ARMC2: variants seen among roughly 807,000 people sequenced by gnomAD.
ARMC2 encodes the protein armadillo repeat-containing protein 2.
A neutral mutation model predicts 90.3 loss-of-function variants in ARMC2; 67 were observed. The ratio of observed to expected loss-of-function variants is 0.74; its 90% CI spans 0.61 to 0.91. The LOEUF is 0.91. Among genes scored for constraint, ARMC2 ranks in the 40% least tolerant of loss-of-function variants. The pLI, the probability that ARMC2 is intolerant of heterozygous loss-of-function variation, is 0.00. For synonymous variants in ARMC2, 393 were observed against 393.0 expected (o/e 1.00, Z 0.00); for missense variants, 920 against 1,030.9 (o/e 0.89, Z 1.47).
chr6:108,901,924 A>C (rs549548956), intron 7 of ARMC2, among the ~76,000 whole-genome samples: 1 of 152,304 alleles, frequency 6.6e-6, no homozygotes, highest in East Asian at 1.9e-4. Flanking sequence ...ACTGTCCCGC[A>C]AATTGGGTTT....
At chr6:108,894,396 C>T (rs929542745) in intron 5 of ARMC2, 71 bp from the exon 6 acceptor site, 12 of 1,307,828 alleles carry the variant, frequency 9.2e-6, no homozygotes, top group Non-Finnish European at 1.3e-5. Context: ...CTGTATATAG[C>T]AGACTCTTGT....
At chr6:108,974,773 G>C (rs1259508904), downstream of ARMC2, among the ~76,000 whole-genome samples, 2 of 151,996 alleles carry the variant, frequency 1.3e-5, no homozygotes, top group African/African-American at 4.8e-5. Context: ...TGGGGTTCTT[G>C]AAGCCTATTA....
chr6:109,008,828 C>G, the ARMC2 span: 1 of 985,534 alleles, frequency 1.0e-6, no homozygotes, highest in Non-Finnish European at 1.2e-6. Context: ...ATAGAGCTTG[C>G]AGGACACACT....
chr6:108,943,806 C>T (rs1355100823), intron 12 of ARMC2, among the ~76,000 whole-genome samples: 1 of 152,134 alleles, frequency 6.6e-6, no homozygotes, highest in Non-Finnish European at 1.5e-5. Flanking sequence ...TGCACTCCAG[C>T]CTGGTTACAC....
the ARMC2 span, among the ~76,000 whole-genome samples, chr6:108,980,607 C>A: frequency 6.6e-6 from 1 of 151,656 alleles, no homozygotes; most frequent in Non-Finnish European, 1.5e-5. Context: ...CCACAGCCGC[C>A]CCTTCCCCCA....
At chr6:109,050,438 C>G in the ARMC2 span, among the ~76,000 whole-genome samples, 1 of 150,732 alleles carries the variant, frequency 6.6e-6, no homozygotes, top group African/African-American at 2.4e-5. Context: ...CATAGACTTT[C>G]CATCTTGCAA....
chr6:109,006,104 C>T, the ARMC2 span, among the ~76,000 whole-genome samples: 1 of 152,126 alleles, frequency 6.6e-6, no homozygotes, highest in Admixed American at 6.5e-5. Context: ...AAAGTATGAG[C>T]TGAGCACTGT....
downstream of ARMC2, among the ~76,000 whole-genome samples, chr6:108,975,938 G>C (rs1219783219): frequency 6.6e-6 from 1 of 151,894 alleles, no homozygotes; most frequent in Non-Finnish European, 1.5e-5. Flanking sequence ...AAATTTTCTC[G>C]TATTCTGTAG....
At chr6:108,966,303 T>TA (rs1022748991) in intron 17 of ARMC2, among the ~76,000 whole-genome samples, 8 of 151,946 alleles carry the variant, frequency 5.3e-5, no homozygotes, top group Admixed American at 3.9e-4. Context: ...GTGGAACTTT[T>TA]AAAAACACAG....
At chr6:109,007,207 A>G in the ARMC2 span, among the ~76,000 whole-genome samples, 1 of 152,214 alleles carries the variant, frequency 6.6e-6, no homozygotes, top group African/African-American at 2.4e-5. Flanking sequence ...GAATGTTGAC[A>G]GTAGTACCAC....
the ARMC2 span, among the ~76,000 whole-genome samples, chr6:109,047,330 T>C: frequency 8.0e-6 from 1 of 125,142 alleles, no homozygotes; most frequent in African/African-American, 2.9e-5. Flanking sequence ...AGCCGCCCCG[T>C]CCGGGAGGGA....
intron 11 of ARMC2, among the ~76,000 whole-genome samples, chr6:108,932,275 C>A (rs1775618565): frequency 6.6e-6 from 1 of 151,750 alleles, no homozygotes; most frequent in African/African-American, 2.4e-5. Context: ...GCTTTTGTTG[C>A]ATTTGCTTTT....
At chr6:108,990,141 A>G in the ARMC2 span, among the ~76,000 whole-genome samples, 1 of 152,334 alleles carries the variant, frequency 6.6e-6, no homozygotes, top group East Asian at 1.9e-4. Flanking sequence ...CAATGACTGC[A>G]TTTTCAATGT....
At chr6:108,860,393 T>C (rs13211674) in intron 3 of ARMC2, among the ~76,000 whole-genome samples, 2 of 152,050 alleles carry the variant, frequency 1.3e-5, no homozygotes, top group Non-Finnish European at 2.9e-5. Context: ...CCAGGCGCGG[T>C]GGCTCATGCC....
intron 3 of ARMC2, among the ~76,000 whole-genome samples, chr6:108,860,091 G>A (rs901822921): frequency 4.7e-5 from 7 of 148,004 alleles, no homozygotes; most frequent in African/African-American, 1.7e-4. Context: ...ACATCTTTTT[G>A]TGGAAGAGAC....
intron 4 of ARMC2, among the ~76,000 whole-genome samples, chr6:108,869,923 A>T (rs959298963): frequency 6.6e-6 from 1 of 152,214 alleles, no homozygotes; most frequent in Non-Finnish European, 1.5e-5. Flanking sequence ...AAAATGAAGT[A>T]GAATAGAATA....
the ARMC2 span, among the ~76,000 whole-genome samples, chr6:109,012,989 G>A: frequency 2.6e-5 from 4 of 151,872 alleles, no homozygotes; most frequent in Non-Finnish European, 5.9e-5. Context: ...GGTGGTGTGC[G>A]CCTGTAGTCC....
chr6:108,969,549 T>A (rs1425595519), intron 17 of ARMC2, among the ~76,000 whole-genome samples: 1 of 152,220 alleles, frequency 6.6e-6, no homozygotes, highest in Non-Finnish European at 1.5e-5. Flanking sequence ...GAAAACAATT[T>A]AGTTGGTTGT....
chr6:109,044,420 G>T, the ARMC2 span, among the ~76,000 whole-genome samples: 1 of 147,668 alleles, frequency 6.8e-6, no homozygotes, highest in African/African-American at 2.5e-5. Flanking sequence ...GAAATAATAG[G>T]ACATCCATAC....
Sources: allele counts gnomAD v4.1 joint callset (sites outside exome capture counted in the v4.1 genomes callset), GRCh38; gene constraint gnomAD v4.1.1; transcripts MANE v1.5; gene names NCBI Gene and HGNC (gene_info 2026-07-23, HGNC 2026-07-21).